Variants in SPPL3 observed in about 807,000 individuals in gnomAD.
The protein encoded by SPPL3 is signal peptide peptidase-like 3.
SPPL3 carries 5 observed loss-of-function variants against 42.4 expected under a neutral mutation model. The ratio of observed to expected loss-of-function variants is 0.12; its 90% confidence interval spans 0.06 to 0.25. The LOEUF (loss-of-function observed/expected upper bound fraction) is 0.25, where lower values mean the gene tolerates loss of function less well. SPPL3 is among the 10% of genes least tolerant of loss of function. SPPL3 has a pLI of 1.00. For missense variants in SPPL3, 235 were observed against 489.0 expected, an observed-to-expected ratio of 0.48 and a Z score of 4.90; for synonymous variants, 195 against 181.8, an observed-to-expected ratio of 1.07 and a Z score of -0.58.
intron 1 of SPPL3, among the ~76,000 whole-genome samples, chr12:120,837,485 T>G (rs1871660628): frequency 6.6e-6 from 1 of 152,254 alleles, no homozygotes; most frequent in South Asian, 2.1e-4. Flanking sequence ...TAGTTCTTCC[T>G]GAATCCAAAT....
chr12:120,859,790 A>C (rs1872574205), intron 1 of SPPL3, among the ~76,000 whole-genome samples: 1 of 152,084 alleles, frequency 6.6e-6, no homozygotes. Flanking sequence ...CTAAAAATAC[A>C]AAATTAGCTG....
chr12:120,883,823 C>T (rs1008620700), intron 1 of SPPL3, among the ~76,000 whole-genome samples: 25 of 152,060 alleles, frequency 1.6e-4, no homozygotes, highest in African/African-American at 2.7e-4. Context: ...AGACGTAAGC[C>T]GGGCGTGGTG....
intron 1 of SPPL3, among the ~76,000 whole-genome samples, chr12:120,829,373 A>C (rs928141151): frequency 6.6e-6 from 1 of 152,146 alleles, no homozygotes; most frequent in African/African-American, 2.4e-5. Flanking sequence ...CGGCAGGCGG[A>C]TCACTTGAGG....
At chr12:120,838,094 C>T (rs1871681710) in intron 1 of SPPL3, among the ~76,000 whole-genome samples, 1 of 152,132 alleles carries the variant, frequency 6.6e-6, no homozygotes, top group African/African-American at 2.4e-5. Context: ...ATACTTACTA[C>T]TTAAAACAAA....
At chr12:120,877,182 T>C (rs749461958) in intron 1 of SPPL3, among the ~76,000 whole-genome samples, 6 of 152,136 alleles carry the variant, frequency 3.9e-5, no homozygotes, top group Non-Finnish European at 8.8e-5. Flanking sequence ...TAAATCAATA[T>C]ATAGCCTAAA....
intron 1 of SPPL3, among the ~76,000 whole-genome samples, chr12:120,826,457 AG>A (rs1452755995): frequency 6.6e-6 from 1 of 152,140 alleles, no homozygotes; most frequent in African/African-American, 2.4e-5. Context: ...AGACAGTTAG[AG>A]GTCACAACTT....
chr12:120,817,658 A>G (rs1870927384), intron 1 of SPPL3, among the ~76,000 whole-genome samples: 1 of 151,852 alleles, frequency 6.6e-6, no homozygotes, highest in Non-Finnish European at 1.5e-5. Context: ...CAAACTCTTC[A>G]TTTTCCCTCT....
At chr12:120,867,714 GAAC>G (rs1485570249) in intron 1 of SPPL3, among the ~76,000 whole-genome samples, 3 of 148,970 alleles carry the variant, frequency 2.0e-5, no homozygotes, top group Middle Eastern at 6.8e-3. Flanking sequence ...TCTTAGAGTT[GAAC>G]AACTATGGTA....
chr12:120,898,464 G>A (rs978924832), intron 1 of SPPL3, among the ~76,000 whole-genome samples: 4 of 151,724 alleles, frequency 2.6e-5, no homozygotes, highest in African/African-American at 9.7e-5. Flanking sequence ...CCCTCAGAGA[G>A]ACACACACAA....
rs141915077 is a variant in SPPL3 at position 120,890,682 on chromosome 12, T to C, written c.23+13163A>G. On this transcript the variant is annotated intron_variant, in intron 1 of 10. Coordinates refer to ENST00000353487, the MANE Select transcript of SPPL3 (RefSeq NM_139015.5). Reference sequence around the variant, plus strand: ...ACTGAGGATAAACACATGAACATTATTCATGTCCTCAAAACTTTAAGGGAA... The same window carrying C: ...ACTGAGGATAAACACATGAACATTACTCATGTCCTCAAAACTTTAAGGGAA... 2.5e-3 allele frequency among the ~76,000 whole-genome samples: 375 copies of C among 151,860 alleles called. 2 individuals carry two copies. The highest frequency in any genetic ancestry group is 8.5e-3 in the African/African-American group (352 of 41,370).
intron 2 of SPPL3, among the ~76,000 whole-genome samples, chr12:120,797,757 C>T (rs1035207232): frequency 3.3e-5 from 5 of 152,134 alleles, no homozygotes; most frequent in African/African-American, 1.2e-4. Context: ...AGGTCATAAT[C>T]CTTCCTGGAA....
At chr12:120,855,651 C>T (rs199591169) in intron 1 of SPPL3, among the ~76,000 whole-genome samples, 3 of 151,682 alleles carry the variant, frequency 2.0e-5, no homozygotes, top group African/African-American at 7.3e-5. Context: ...CGTGCCACTG[C>T]ACCACTGCAC....
At chr12:120,765,357 A>G (rs1485652054) in intron 10 of SPPL3, among the ~76,000 whole-genome samples, 1 of 151,672 alleles carries the variant, frequency 6.6e-6, no homozygotes, top group Non-Finnish European at 1.5e-5. Flanking sequence ...GCGAGATCTC[A>G]GCTCACTGCA....
Position 120,784,559 on chromosome 12 carries a change from G to A in SPPL3, c.225C>T (p.Phe75=). The A allele has an allele frequency of 6.2e-7, 1 of 1,612,658 alleles. No individual in the cohort carries two copies. Among genetic ancestry groups the A allele is most frequent in the Non-Finnish European group, 8.5e-7 (1 of 1,179,322 alleles). The change falls in exon 4 of 11, where the codon TTC becomes TTT. Residue 75 remains phenylalanine (F), a synonymous_variant. Transcript: ENST00000353487. ...IQTIDSTQAL[F]LPIGASVSLL... ...GAGAGACAGATGCTCCAATTGGAAG[G>A]AACAGAGCCTGGGTAGAGTCAATTG...
chr12:120,886,462 T>C (rs1873464274), intron 1 of SPPL3, among the ~76,000 whole-genome samples: 1 of 152,176 alleles, frequency 6.6e-6, no homozygotes, highest in South Asian at 2.1e-4. Flanking sequence ...GGTATATAAC[T>C]GATACACAAC....
chr12:120,861,628 C>T (rs542397762), intron 1 of SPPL3, among the ~76,000 whole-genome samples: 16 of 152,300 alleles, frequency 1.1e-4, no homozygotes, highest in African/African-American at 3.8e-4. Flanking sequence ...TAGCAGCGGA[C>T]TGAGTCCTGG....
rs750703823 is a variant in SPPL3 at position 120,766,098 on chromosome 12, G to GCACACACACA, written c.1083+164_1083+165insTGTGTGTGTG. ...TTGCTAACGCCAGGGTAGCGCGCGC[G>GCACACACACA]CGCACACACACACACACACACACAC... On this transcript the variant is annotated intron_variant, in intron 10 of 10. Coordinates refer to ENST00000353487, the MANE Select transcript of SPPL3 (RefSeq NM_139015.5). Among the ~76,000 whole-genome samples, 96 of 144,136 alleles carry GCACACACACA rather than the reference G, an allele frequency of 6.7e-4. No homozygotes were observed. In the East Asian group the frequency reaches 8.0e-3, roughly 12 times the overall value. 94.6% of individuals were successfully genotyped at this position (144,136 alleles called of 152,430 possible).
chr12:120,785,050 T>C (rs776814271), intron 3 of SPPL3, among the ~76,000 whole-genome samples: 4 of 152,188 alleles, frequency 2.6e-5, no homozygotes, highest in Admixed American at 6.5e-5. Context: ...AGTTGAGAAC[T>C]GACTTGGCTG....
Position 120,904,085 on chromosome 12 carries a change from C to G in SPPL3, c.-218G>C, listed in dbSNP as rs1214178234. ...CTGGGCCCCGGGGCGGGGCGGGCTC[C>G]GCTCTCGGCCTCCCTCACCCGCGGC... On this transcript the variant is annotated 5_prime_UTR_variant, in exon 1 of 11. Coordinates refer to ENST00000353487, the MANE Select transcript of SPPL3 (RefSeq NM_139015.5). 2 of 323,932 alleles carry G rather than the reference C, an allele frequency of 6.2e-6. No individual in the cohort carries two copies. The highest frequency in any genetic ancestry group is 4.4e-5 in the African/African-American group (2 of 45,380). 20.1% of individuals were successfully genotyped at this position (323,932 alleles called of 1,614,324 possible). A position where few individuals can be genotyped will look rare whatever the true frequency, so the allele number is the denominator to read the frequency against.
Sources: gnomAD v4.1 joint callset for allele counts (sites outside exome capture counted in the v4.1 genomes callset) on GRCh38, gnomAD v4.1.1 for gene constraint, MANE v1.5 for transcripts, NCBI Gene and HGNC (gene_info 2026-07-23, HGNC 2026-07-21) for gene names.